EPM2A: variants seen among roughly 807,000 people sequenced by gnomAD.
EPM2A encodes the protein laforin.
In EPM2A, 21 loss-of-function variants were observed where a neutral mutation model predicts 26.5. That is an observed-to-expected ratio of 0.79 (90% CI 0.56 to 1.14). The LOEUF (loss-of-function observed/expected upper bound fraction) is 1.14. Among genes scored for constraint, EPM2A ranks in the 50% most tolerant of loss-of-function variants. EPM2A has a pLI of 0.00. For synonymous variants in EPM2A, 217 were observed against 177.6 expected, an observed-to-expected ratio of 1.22 and a Z score of -1.76; for missense variants, 458 against 440.8, an observed-to-expected ratio of 1.04 and a Z score of -0.35.
chr6:145,477,334 T>C, intron 4 of EPM2A, among the ~76,000 whole-genome samples: 1 of 151,906 alleles, frequency 6.6e-6, no homozygotes. Context: ...GCTTCACTGT[T>C]GAATTCTACC....
intron 4 of EPM2A, among the ~76,000 whole-genome samples, chr6:145,436,021 T>C (rs577663123): frequency 3.3e-5 from 5 of 152,118 alleles, no homozygotes; most frequent in Non-Finnish European, 7.3e-5. Flanking sequence ...TTTACAAATG[T>C]AAAATGACAG....
intron 4 of EPM2A, among the ~76,000 whole-genome samples, chr6:145,385,597 C>T (rs959413072): frequency 5.3e-5 from 8 of 152,014 alleles, no homozygotes; most frequent in Non-Finnish European, 1.0e-4. Flanking sequence ...TTTATCTGGG[C>T]ATTTTTATAT....
At chr6:145,678,421 G>A (rs1193392238) in intron 2 of EPM2A, among the ~76,000 whole-genome samples, 1 of 152,136 alleles carries the variant, frequency 6.6e-6, no homozygotes, top group African/African-American at 2.4e-5. Flanking sequence ...AAACTAAAGA[G>A]CTTCTGCACA....
intron 1 of EPM2A, among the ~76,000 whole-genome samples, chr6:145,719,387 C>T (rs953122997): frequency 6.7e-6 from 1 of 150,254 alleles, no homozygotes; most frequent in African/African-American, 2.5e-5. Context: ...AAACCAAACA[C>T]CACATATTCT....
intron 2 of EPM2A, among the ~76,000 whole-genome samples, chr6:145,676,103 G>C (rs7772405): frequency 6.6e-6 from 1 of 152,110 alleles, no homozygotes. Context: ...AATCAAATTA[G>C]AACTCAGGAT....
chr6:145,680,479 G>A (rs1295192141), intron 2 of EPM2A, among the ~76,000 whole-genome samples: 3 of 151,674 alleles, frequency 2.0e-5, no homozygotes, highest in Non-Finnish European at 4.4e-5. Flanking sequence ...CCATGCTGGT[G>A]TGCTGCACCC....
intron 1 of EPM2A, among the ~76,000 whole-genome samples, chr6:145,731,756 T>C (rs555569852): frequency 2.0e-5 from 3 of 151,938 alleles, no homozygotes; most frequent in East Asian, 3.9e-4. Context: ...TAGAAGAAAT[T>C]TTTTTAATGA....
rs760860945 is a variant in EPM2A, at chr6:145,686,250, G to A, written c.348C>T (p.Asn116=). The A allele has an allele frequency of 6.8e-6, 11 of 1,613,894 alleles. No homozygotes were observed. The Admixed American group carries it at 1.8e-4, about 27-fold the overall frequency. The change falls in exon 2 of 4, where the codon AAC becomes AAT. Residue 116 remains asparagine (N), a synonymous_variant. Transcript: ENST00000367519. ...HDRCCTYNEN[N]LVDGVYCLPI... is the part of the protein sequence containing the mutation. ...GGAGACAATACACACCATCCACCAA[G>A]TTGTTTTCATTGTAAGTACAGCAAC...
chr6:145,669,394 CAA>C (rs1779483755), intron 2 of EPM2A, among the ~76,000 whole-genome samples: 1 of 152,128 alleles, frequency 6.6e-6, no homozygotes, highest in Admixed American at 6.6e-5. Flanking sequence ...ATCTGTTCCA[CAA>C]AAGAGTGGAC....
intron 4 of EPM2A, among the ~76,000 whole-genome samples, chr6:145,389,962 G>C (rs759509087): frequency 6.6e-6 from 1 of 152,146 alleles, no homozygotes; most frequent in Non-Finnish European, 1.5e-5. Flanking sequence ...GTTAATTCTT[G>C]TGTTTTCTTA....
At chr6:145,522,309 C>T (rs1239371862) in intron 2 of EPM2A, among the ~76,000 whole-genome samples, 2 of 152,058 alleles carry the variant, frequency 1.3e-5, no homozygotes, top group Non-Finnish European at 2.9e-5. Context: ...TACTCTCTAA[C>T]TTTTGGCCAT....
chr6:145,688,359 T>C (rs1010418620), intron 1 of EPM2A, among the ~76,000 whole-genome samples: 7 of 152,152 alleles, frequency 4.6e-5, no homozygotes, highest in Non-Finnish European at 7.4e-5. Context: ...GACTTGGTGA[T>C]TAATTGGAAA....
chr6:145,485,252 T>C (rs1779657947), intron 4 of EPM2A, among the ~76,000 whole-genome samples: 1 of 151,926 alleles, frequency 6.6e-6, no homozygotes, highest in Non-Finnish European at 1.5e-5. Flanking sequence ...GTGAGAGTAG[T>C]GTCATGGAAA....
In EPM2A at chr6:145,627,101, T is replaced by C. The variant is rs1395942240; in HGVS notation, c.*315A>G. ...TGTCACGGATCCATCGTGCAACACA[T>C]ACAGTGCTGTAAAGCAAAGGCCTCG... On this transcript the variant is annotated 3_prime_UTR_variant, in exon 4 of 4. Transcript: ENST00000367519. 2 of 1,271,324 alleles carry C rather than the reference T, an allele frequency of 1.6e-6. No homozygotes were observed. Among genetic ancestry groups the C allele is most frequent in the African/African-American group, 3.0e-5 (2 of 66,068 alleles). 78.8% of individuals were successfully genotyped at this position (1,271,324 alleles called of 1,614,324 possible). A position where few individuals can be genotyped will look rare whatever the true frequency, so the allele number is the denominator to read the frequency against.
chr6:145,730,475 G>T (rs916812823), intron 1 of EPM2A, among the ~76,000 whole-genome samples: 1 of 152,204 alleles, frequency 6.6e-6, no homozygotes, highest in Non-Finnish European at 1.5e-5. Context: ...GACACTGCAC[G>T]TGACATCCAA....
chr6:145,608,920 A>G (rs904570495), intron 2 of EPM2A, among the ~76,000 whole-genome samples: 1 of 152,232 alleles, frequency 6.6e-6, no homozygotes, highest in Non-Finnish European at 1.5e-5. Context: ...GAAATGAAAT[A>G]GCAGGGAAAA....
At chr6:145,693,480 T>C (rs954036621) in intron 1 of EPM2A, among the ~76,000 whole-genome samples, 1 of 151,932 alleles carries the variant, frequency 6.6e-6, no homozygotes, top group Non-Finnish European at 1.5e-5. Context: ...GCATTGGATA[T>C]ACATGAACAT....
intron 4 of EPM2A, among the ~76,000 whole-genome samples, chr6:145,446,649 TTC>T (rs1328848166): frequency 6.6e-6 from 1 of 151,882 alleles, no homozygotes; most frequent in Non-Finnish European, 1.5e-5. Context: ...GATTACTTTT[TTC>T]TCTCTCTCTC....
chr6:145,596,093 T>A (rs931520833), intron 2 of EPM2A, among the ~76,000 whole-genome samples: 54 of 152,334 alleles, frequency 3.5e-4, no homozygotes, highest in African/African-American at 1.2e-3. Context: ...TATGTTTGTA[T>A]CTTTATGTTC....
Sources: gnomAD v4.1 joint callset for allele counts (sites outside exome capture counted in the v4.1 genomes callset) on GRCh38, gnomAD v4.1.1 for gene constraint, MANE v1.5 for transcripts, NCBI Gene and HGNC (gene_info 2026-07-23, HGNC 2026-07-21) for gene names.